The following CYB5D2 variants were observed in gnomAD, a reference collection of about 807,000 sequenced individuals.
CYB5D2 encodes neuferricin.
CYB5D2 carries 23 observed loss-of-function variants against 22.8 expected under a neutral mutation model. That is an observed-to-expected ratio of 1.01 (90% confidence interval 0.73 to 1.43). The LOEUF (loss-of-function observed/expected upper bound fraction) is 1.43. Ranked by LOEUF, CYB5D2 falls within the 40% of genes most tolerant of loss-of-function variation. The probability of loss-of-function intolerance (pLI) is 0.00; values close to 1 mark genes in which losing one functional copy is unlikely to be tolerated. For missense variants in CYB5D2, 373 were observed against 357.2 expected (o/e 1.04, Z -0.36); for synonymous variants, 170 against 152.2 (o/e 1.12, Z -0.86).
At position 4,149,958 on chromosome 17, in the gene CYB5D2, C is replaced by T. The variant is rs775550947; in HGVS notation, c.318C>T (p.Ser106=). 54 of 1,613,930 alleles carry T rather than the reference C, an allele frequency of 3.3e-5. No individual in the cohort carries two copies. Among genetic ancestry groups the T allele is most frequent in the South Asian group, 2.6e-4 (24 of 91,076 alleles). ...AAGCAGGCCTCGTGGATGACGTATCCGACCTGTCAGCCGCTGAGATGCTGA... is the reference window on the plus strand; with the variant it reads ...AAGCAGGCCTCGTGGATGACGTATCTGACCTGTCAGCCGCTGAGATGCTGA... The part of the protein sequence containing the change: ...CSEAGLVDDV[S]DLSAAEMLTL... The change falls in exon 2 of 4, where the codon TCC becomes TCT. Residue 106 remains serine (S), a synonymous_variant. Coordinates refer to ENST00000301391, the MANE Select transcript of CYB5D2 (RefSeq NM_144611.4).
At chr17:4,156,774 T>A (rs1178884210) in intron 3 of CYB5D2, 92 bp from the exon 4 acceptor site, 5 of 1,376,948 alleles carry the variant, frequency 3.6e-6, no homozygotes, top group Non-Finnish European at 5.0e-6. Flanking sequence ...CTTCTACTTT[T>A]CAGAAGGCCT....
chr17:4,153,769 T>C (rs1430394268), intron 2 of CYB5D2, among the ~76,000 whole-genome samples: 2 of 152,046 alleles, frequency 1.3e-5, no homozygotes, highest in Non-Finnish European at 2.9e-5. Flanking sequence ...GAAGGGAGTA[T>C]GATGTGGATG....
At chr17:4,152,649 C>G (rs2079102494) in intron 2 of CYB5D2, among the ~76,000 whole-genome samples, 1 of 152,218 alleles carries the variant, frequency 6.6e-6, no homozygotes. Context: ...ACAGACACCC[C>G]AACCCCCGTA....
At chr17:4,151,761 T>C (rs1440984300) in intron 2 of CYB5D2, among the ~76,000 whole-genome samples, 2 of 150,850 alleles carry the variant, frequency 1.3e-5, no homozygotes, top group South Asian at 2.1e-4. Flanking sequence ...TCCCAGCACT[T>C]TGGGAGGCTG....
chr17:4,156,942 T>G lies in CYB5D2; in HGVS notation c.655T>G (p.Cys219Gly), dbSNP rs369001318. The G allele has an allele frequency of 9.3e-6, 15 of 1,612,744 alleles. No individual in the cohort carries two copies. The highest frequency in any genetic ancestry group is 2.0e-4 in the Middle Eastern group (1 of 4,994). The part of the protein sequence containing the change: ...KPGAKEPRCV[C>G]VRTTGPPSGQ... ...AGGTGCTAAGGAGCCCCGCTGCGTG[T>G]GTGTGAGAACCACCGGCCCCCCTAG... The change falls in exon 4 of 4, where the codon TGT becomes GGT. Residue 219 changes from cysteine to glycine, a missense_variant. By Grantham distance (159) the Cys-to-Gly change is radical. Transcript: ENST00000301391.
rs1461614321 is a variant in CYB5D2, at chr17:4,149,986, C to T, written c.346C>T (p.Leu116Phe). 6 of 1,614,100 alleles carry T rather than the reference C, an allele frequency of 3.7e-6. No individual in the cohort carries two copies. Among genetic ancestry groups the T allele is most frequent in the Non-Finnish European group, 5.1e-6 (6 of 1,180,018 alleles). ...CCTGTCAGCCGCTGAGATGCTGACA[C>T]TTCACAATTGGCTTTCATTCTATGA... is the stretch of plus-strand genomic sequence containing the variant. ...SDLSAAEMLT[L>F]HNWLSFYEKN... The change falls in exon 2 of 4, where the codon CTT becomes TTT. Residue 116 changes from leucine (L) to phenylalanine (F), a missense_variant. By Grantham distance (22) the Leu-to-Phe change is conservative. Transcript: ENST00000301391.
At position 4,143,649 on chromosome 17, in the gene CYB5D2, G is replaced by C. The variant is rs557569163; in HGVS notation, c.-107G>C. The C allele has an allele frequency of 2.0e-6, 3 of 1,474,744 alleles. No homozygotes were observed. Among genetic ancestry groups the C allele is most frequent in the Non-Finnish European group, 2.7e-6 (3 of 1,099,822 alleles). 91.4% of individuals were successfully genotyped at this position (1,474,744 alleles called of 1,614,324 possible). A position where few individuals can be genotyped will look rare whatever the true frequency, so the allele number is the denominator to read the frequency against. On this transcript the variant is annotated 5_prime_UTR_variant, in exon 1 of 4. Coordinates refer to ENST00000301391, the MANE Select transcript of CYB5D2 (RefSeq NM_144611.4). Reference sequence around the variant, plus strand: ...AGCGCGAGCACTAGCGCGCGAGAGAGAGAGCGAGAGCGCGCGCGCCGATGA... The same window carrying C: ...AGCGCGAGCACTAGCGCGCGAGAGACAGAGCGAGAGCGCGCGCGCCGATGA...
At chr17:4,154,970 C>G (rs2059098866) in intron 3 of CYB5D2, 110 bp downstream of exon 3, 2 of 1,201,202 alleles carry the variant, frequency 1.7e-6, no homozygotes, top group Non-Finnish European at 2.3e-6. Context: ...CCCTGGGGAG[C>G]TTTTTCAAAA....
intron 2 of CYB5D2, 56 bp downstream of exon 2, chr17:4,150,087 G>A (rs2059038957): frequency 1.3e-6 from 2 of 1,596,618 alleles, no homozygotes; most frequent in African/African-American, 1.3e-5. Flanking sequence ...TTTTTAGGGG[G>A]CTGAGATTTT....
At chr17:4,155,019 C>A (rs543241600) in intron 3 of CYB5D2, among the ~76,000 whole-genome samples, 159 bp downstream of exon 3, 3 of 152,214 alleles carry the variant, frequency 2.0e-5, no homozygotes, top group Non-Finnish European at 4.4e-5. Context: ...CATATTAGAT[C>A]TTCTGGGGAA....
chr17:4,156,997 G>C lies in CYB5D2; in HGVS notation c.710G>C (p.Arg237Thr). The C allele has an allele frequency of 1.2e-6, 2 of 1,612,904 alleles. No individual in the cohort carries two copies. The highest frequency in any genetic ancestry group is 1.1e-5 in the South Asian group (1 of 91,020). The change falls in exon 4 of 4, where the codon AGA becomes ACA. Residue 237 changes from arginine to threonine, a missense_variant. Transcript: ENST00000301391. ...CAGATGCCGGACAACCCTCCACACAGAAATCGTGGGGACCTGGACCACCCA... is the reference window on the plus strand; with the variant it reads ...CAGATGCCGGACAACCCTCCACACACAAATCGTGGGGACCTGGACCACCCA... ...SGQMPDNPPHRNRGDLDHPNL... is the reference protein window; with the variant it reads ...SGQMPDNPPHTNRGDLDHPNL...
intron 3 of CYB5D2, among the ~76,000 whole-genome samples, chr17:4,155,158 G>A (rs1022169140): frequency 2.6e-5 from 4 of 152,094 alleles, no homozygotes; most frequent in Admixed American, 1.3e-4. Flanking sequence ...ACCTTGACCC[G>A]GGAATGAGAA....
At chr17:4,155,425 C>T (rs774948688) in intron 3 of CYB5D2, among the ~76,000 whole-genome samples, 9 of 152,032 alleles carry the variant, frequency 5.9e-5, no homozygotes, top group Non-Finnish European at 7.4e-5. Context: ...GGAGTCCAGC[C>T]TGGGCAACAT....
Position 4,143,580 on chromosome 17 carries a change from C to T in CYB5D2, c.-176C>T. 1 of 847,202 alleles carries T rather than the reference C, an allele frequency of 1.2e-6. No individual in the cohort carries two copies. Among genetic ancestry groups the T allele is most frequent in the Non-Finnish European group, 1.7e-6 (1 of 578,824 alleles). The allele number at this position is 847,202 out of a possible 1,614,324, so 52.5% of individuals were successfully genotyped here. On this transcript the variant is annotated 5_prime_UTR_variant, in exon 1 of 4. Coordinates refer to ENST00000301391, the MANE Select transcript of CYB5D2 (RefSeq NM_144611.4). The stretch of plus-strand genomic sequence containing the variant: ...AAAGTCGCAGACAGCGAGCTTTTCG[C>T]CAGTGCCAGGAATACAGATAAAACG...
rs956436799 is a variant in CYB5D2, at chr17:4,143,692, C to T, written c.-64C>T. On this transcript the variant is annotated 5_prime_UTR_variant, in exon 1 of 4. Transcript: ENST00000301391. ...GCCGATGACGTCACGCTCGGCGTCT[C>T]GGCCATCTTAGCTGTAGATAGAGGC... 7 of 1,528,112 alleles carry T rather than the reference C, an allele frequency of 4.6e-6. No homozygotes were observed. The highest frequency in any genetic ancestry group is 4.2e-5 in the African/African-American group (3 of 72,054). 94.7% of individuals were successfully genotyped at this position (1,528,112 alleles called of 1,614,324 possible).
intron 1 of CYB5D2, among the ~76,000 whole-genome samples, chr17:4,146,635 C>T (rs952159413): frequency 5.3e-5 from 8 of 151,908 alleles, no homozygotes; most frequent in Admixed American, 5.2e-4. Context: ...CGTGATCTGC[C>T]TACCTCAGCC....
chr17:4,143,293 G>A lies in CYB5D2; in HGVS notation c.-463G>A, dbSNP rs144847634. ...TGTAATCCCAGCACTTTGGGAGGCC[G>A]AGACGGGTGGATCACCTGAGGTCAG... On this transcript the variant is annotated 5_prime_UTR_variant, in exon 1 of 4. Transcript: ENST00000301391. The A allele has an allele frequency of 0.022, 3,896 of 177,248 alleles. 152 individuals are homozygous for A. Among genetic ancestry groups the A allele is most frequent in the African/African-American group, 0.087 (3,681 of 42,408 alleles). The allele number at this position is 177,248 out of a possible 1,614,324, so 11.0% of individuals were successfully genotyped here.
At position 4,143,644 on chromosome 17, in the gene CYB5D2, A is replaced by AGAGAGAGCGCGAGCACCAGCGCGCGC. The variant is rs1567883071; in HGVS notation, c.-105_-104insCGCGAGCACCAGCGCGCGCGAGAGAG. The AGAGAGAGCGCGAGCACCAGCGCGCGC allele has an allele frequency of 3.1e-6, 3 of 979,534 alleles. No individual in the cohort carries two copies. The highest frequency in any genetic ancestry group is 3.1e-5 in the Admixed American group (1 of 31,932). The allele number at this position is 979,534 out of a possible 1,614,324, so 60.7% of individuals were successfully genotyped here. On this transcript the variant is annotated 5_prime_UTR_variant, in exon 1 of 4. Coordinates refer to ENST00000301391, the MANE Select transcript of CYB5D2 (RefSeq NM_144611.4). ...GAGGGAGCGCGAGCACTAGCGCGCG[A>AGAGAGAGCGCGAGCACCAGCGCGCGC]GAGAGAGAGCGAGAGCGCGCGCGCC...
At chr17:4,155,925 C>G (rs1429869833) in intron 3 of CYB5D2, among the ~76,000 whole-genome samples, 1 of 152,242 alleles carries the variant, frequency 6.6e-6, no homozygotes, top group East Asian at 1.9e-4. Flanking sequence ...TGCCTCAGCT[C>G]AGTTTGTTGT....
Sources: gnomAD v4.1 joint callset for allele counts (sites outside exome capture counted in the v4.1 genomes callset) on GRCh38, gnomAD v4.1.1 for gene constraint, MANE v1.5 for transcripts, NCBI Gene and HGNC (gene_info 2026-07-23, HGNC 2026-07-21) for gene names.